Variants in UBXN11 observed in about 807,000 individuals in gnomAD.
UBXN11 encodes UBX domain-containing protein 11.
Under a neutral mutation model 62.8 loss-of-function variants are expected in UBXN11, and 47 were observed. The observed-to-expected ratio is 0.75, with a 90% CI of 0.59 to 0.95. UBXN11 has a LOEUF of 0.95. UBXN11 is among the 40% of genes least tolerant of loss of function. The probability of loss-of-function intolerance (pLI) is 0.00; values close to 1 mark genes in which losing one functional copy is unlikely to be tolerated. For missense variants in UBXN11, 638 were observed against 661.7 expected, an observed-to-expected ratio of 0.96 and a Z score of 0.39; for synonymous variants, 294 against 267.0, an observed-to-expected ratio of 1.10 and a Z score of -0.99.
At chr1:26,288,833 T>C (rs1276456368) in intron 8 of UBXN11, among the ~76,000 whole-genome samples, 1 of 152,156 alleles carries the variant, frequency 6.6e-6, no homozygotes, top group Non-Finnish European at 1.5e-5. Context: ...GATAAGGAAA[T>C]TGGGCCTTAT....
In UBXN11 at chr1:26,282,508, C is replaced by T. The variant is rs560998848; in HGVS notation, c.1354G>A (p.Asp452Asn). The T allele has an allele frequency of 6.2e-6, 10 of 1,601,422 alleles. No individual in the cohort carries two copies. The highest frequency in any genetic ancestry group is 2.2e-5 in the South Asian group (2 of 90,038). ...STFPPTLYQDDTLTLQAAGLV... is the reference protein window; with the variant it reads ...STFPPTLYQDNTLTLQAAGLV... The stretch of plus-strand genomic sequence containing the variant: ...CCTGCAGCCTGCAGCGTGAGTGTAT[C>T]GTCCTGGTAGAGGGTGGGCGGGAAT... Residue 452 changes from aspartate (D) to asparagine (N), a missense_variant, in exon 15 of 15, where the codon GAT (aspartate) becomes AAT (asparagine). Asp to Asn is a conservative substitution (Grantham distance 23, BLOSUM62 1). Coordinates refer to ENST00000374222, the MANE Select transcript of UBXN11 (RefSeq NM_001389556.1).
intron 8 of UBXN11, among the ~76,000 whole-genome samples, chr1:26,289,315 G>A (rs1467703027): frequency 6.6e-6 from 1 of 152,064 alleles, no homozygotes; most frequent in Non-Finnish European, 1.5e-5. Context: ...CCTACTCATC[G>A]CTGGGCTCAA....
intron 8 of UBXN11, among the ~76,000 whole-genome samples, chr1:26,292,923 C>T (rs756316357): frequency 2.0e-5 from 3 of 152,018 alleles, no homozygotes; most frequent in East Asian, 1.9e-4. Context: ...GCAGTGAGGG[C>T]GTTAGACCCT....
At chr1:26,303,897 T>C (rs923941380) in intron 1 of UBXN11, among the ~76,000 whole-genome samples, 3 of 152,156 alleles carry the variant, frequency 2.0e-5, no homozygotes, top group Non-Finnish European at 4.4e-5. Flanking sequence ...CACTCGTAAA[T>C]GTTAGTTTCC....
chr1:26,294,369 C>A, intron 7 of UBXN11, 38 bp from the exon 8 acceptor site: 1 of 1,606,748 alleles, frequency 6.2e-7, no homozygotes, highest in African/African-American at 1.3e-5. Context: ...GCACCGTCAG[C>A]TCAGCCCCTT....
At chr1:26,297,875 C>T in intron 5 of UBXN11, 87 bp downstream of exon 5, 2 of 1,424,172 alleles carry the variant, frequency 1.4e-6, no homozygotes, top group Non-Finnish European at 1.9e-6. Flanking sequence ...TCTAGAATCA[C>T]CCACCCTAGT....
At chr1:26,284,546 A>G (rs2073081145) in intron 10 of UBXN11, 64 bp from the exon 11 acceptor site, 2 of 1,523,320 alleles carry the variant, frequency 1.3e-6, no homozygotes, top group Admixed American at 4.1e-5. Flanking sequence ...CCCCACTTTC[A>G]TCCCTATTTG....
chr1:26,310,465 C>T (rs1271016471), upstream of UBXN11, among the ~76,000 whole-genome samples: 2 of 151,174 alleles, frequency 1.3e-5, no homozygotes, highest in African/African-American at 4.9e-5. Context: ...TTGAACCCAG[C>T]AGTCGGAGGT....
intron 8 of UBXN11, among the ~76,000 whole-genome samples, chr1:26,289,064 G>C (rs1468343754): frequency 6.6e-6 from 1 of 152,164 alleles, no homozygotes; most frequent in East Asian, 1.9e-4. Context: ...TCAAGTCCAA[G>C]CTCTTTGTCC....
chr1:26,296,861 G>A, intron 7 of UBXN11, 58 bp downstream of exon 7: 1 of 1,532,416 alleles, frequency 6.5e-7, no homozygotes, highest in South Asian at 1.2e-5. Flanking sequence ...TGAGGAACAT[G>A]CCGTGAAGAG....
At chr1:26,296,305 T>C (rs576643876) in intron 7 of UBXN11, among the ~76,000 whole-genome samples, 21 of 152,336 alleles carry the variant, frequency 1.4e-4, no homozygotes, top group Non-Finnish European at 2.8e-4. Flanking sequence ...TGCTAGGTCC[T>C]GGGTGCACAG....
upstream of UBXN11, among the ~76,000 whole-genome samples, chr1:26,308,004 C>T (rs1316189454): frequency 1.3e-5 from 2 of 152,078 alleles, no homozygotes; most frequent in African/African-American, 4.8e-5. Flanking sequence ...TGGTGGTTCA[C>T]GCCTGTAATC....
chr1:26,301,134 T>A, intron 3 of UBXN11, 110 bp from the exon 4 acceptor site: 1 of 1,566,614 alleles, frequency 6.4e-7, no homozygotes, highest in Non-Finnish European at 8.6e-7. Context: ...CCCAGGGAGT[T>A]TGAGGAGAGA....
rs762387598 is a variant in UBXN11 at position 26,294,240 on chromosome 1, C to A, written c.524G>T (p.Arg175Met). 1.5e-5 allele frequency: 25 copies of A among 1,614,082 alleles called. No individual in the cohort carries two copies. Among genetic ancestry groups the A allele is most frequent in the Admixed American group, 8.3e-5 (5 of 60,006 alleles). Residue 175 changes from arginine to methionine, a missense_variant, in exon 8 of 15, where the codon AGG becomes ATG. By Grantham distance (91) the Arg-to-Met change is moderately conservative (BLOSUM62 -1). Transcript: ENST00000374222. ...GAACTTCTTGGCTGTCATCCAGTCC[C>A]TCTCGCCATGCTCTGAGACTGTCTT... ...ESKTVSEHGE[R>M]DWMTAKKFWK... is the part of the protein sequence containing the mutation.
upstream of UBXN11, among the ~76,000 whole-genome samples, chr1:26,307,179 A>G (rs1254236724): frequency 1.3e-5 from 2 of 152,182 alleles, no homozygotes; most frequent in Non-Finnish European, 2.9e-5. Context: ...TTGTGTTAAG[A>G]GTTGGGTAAG....
At chr1:26,314,015 T>A (rs2073767863) in intron 1 of UBXN11, among the ~76,000 whole-genome samples, 1 of 152,052 alleles carries the variant, frequency 6.6e-6, no homozygotes, top group African/African-American at 2.4e-5. Flanking sequence ...CTCCTGACCT[T>A]GTGATCGACT....
At chr1:26,293,788 A>G (rs1244207111) in intron 8 of UBXN11, among the ~76,000 whole-genome samples, 1 of 150,180 alleles carries the variant, frequency 6.7e-6, no homozygotes, top group Admixed American at 6.6e-5. Context: ...GGTGGATTCC[A>G]AGGGCCATAA....
At chr1:26,318,052 G>A (rs1308985261) in exon 1 of UBXN11, 7 of 1,614,126 alleles carry the variant, frequency 4.3e-6, no homozygotes, top group Non-Finnish European at 5.1e-6. Context: ...CTCACCATCA[G>A]CCTCCTGGTT....
chr1:26,317,478 G>A (rs998126350), intron 1 of UBXN11, among the ~76,000 whole-genome samples: 3 of 152,084 alleles, frequency 2.0e-5, no homozygotes, highest in Non-Finnish European at 2.9e-5. Flanking sequence ...ACCTTCCCTT[G>A]AAACATAAAT....
Sources: gnomAD v4.1 joint callset for allele counts (sites outside exome capture counted in the v4.1 genomes callset) on GRCh38, gnomAD v4.1.1 for gene constraint, MANE v1.5 for transcripts, NCBI Gene and HGNC (gene_info 2026-07-23, HGNC 2026-07-21) for gene names.